Variants in EYA4 observed in about 807,000 individuals in gnomAD.
EYA4 encodes EYA transcriptional coactivator and phosphatase 4.
EYA4 carries 31 observed loss-of-function variants against 87.9 expected under a neutral mutation model. That is an observed-to-expected ratio of 0.35 (90% CI 0.27 to 0.48). EYA4 has a LOEUF of 0.48. EYA4 is among the 20% of genes least tolerant of loss of function. The pLI, the probability that EYA4 is intolerant of heterozygous loss-of-function variation, is 0.99. For missense variants in EYA4, 678 were observed against 761.4 expected (o/e 0.89, Z 1.29); for synonymous variants, 263 against 270.6 (o/e 0.97, Z 0.28).
intron 2 of EYA4, among the ~76,000 whole-genome samples, chr6:133,339,866 G>A (rs1020140357): frequency 2.6e-5 from 4 of 152,304 alleles, no homozygotes; most frequent in South Asian, 2.1e-4. Flanking sequence ...TTGAGGCAGC[G>A]AAGGACTGTG....
At chr6:133,485,663 G>T (rs1796627083) in intron 13 of EYA4, among the ~76,000 whole-genome samples, 2 of 152,210 alleles carry the variant, frequency 1.3e-5, no homozygotes, top group Non-Finnish European at 2.9e-5. Flanking sequence ...TGCATAGGCA[G>T]TTGGGTGAGT....
chr6:133,504,389 GAA>G (rs1249617161), intron 13 of EYA4, among the ~76,000 whole-genome samples: 4 of 152,190 alleles, frequency 2.6e-5, no homozygotes, highest in Non-Finnish European at 5.9e-5. Context: ...TCAGATATGT[GAA>G]GAGTCAGCAT....
chr6:133,406,165 C>T lies in EYA4; in HGVS notation c.83+23724C>T, dbSNP rs563599692. On this transcript the variant is annotated intron_variant, in intron 3 of 19. Coordinates refer to ENST00000355286, the MANE Select transcript of EYA4 (RefSeq NM_004100.5). ...GACCAGGCAGTTATTTACCACCTAC[C>T]ATGGGCCAGGTTCTATCTTAGGTAT... Among the ~76,000 whole-genome samples, 3 of 152,216 alleles carry T rather than the reference C, an allele frequency of 2.0e-5. No individual in the cohort carries two copies. The South Asian group carries it at 6.2e-4, about 32-fold the overall frequency.
At chr6:133,275,053 G>A (rs1364795553) in intron 2 of EYA4, among the ~76,000 whole-genome samples, 1 of 152,094 alleles carries the variant, frequency 6.6e-6, no homozygotes, top group East Asian at 1.9e-4. Context: ...GTGGTGGAAA[G>A]ACTAAGGCAT....
At chr6:133,312,728 T>C (rs1036852130) in intron 2 of EYA4, among the ~76,000 whole-genome samples, 1 of 152,216 alleles carries the variant, frequency 6.6e-6, no homozygotes, top group Admixed American at 6.5e-5. Context: ...ACAAAGTAAA[T>C]GTTTTAACTG....
chr6:133,400,086 A>T (rs1218702709), intron 3 of EYA4, among the ~76,000 whole-genome samples: 1 of 152,240 alleles, frequency 6.6e-6, no homozygotes, highest in African/African-American at 2.4e-5. Context: ...CCATTAATAC[A>T]TATTTATAGC....
chr6:133,265,188 T>C (rs951526026), intron 1 of EYA4, among the ~76,000 whole-genome samples: 17 of 152,076 alleles, frequency 1.1e-4, no homozygotes, highest in African/African-American at 4.1e-4. Context: ...GAAAAAGATA[T>C]GATGAATGGT....
chr6:133,459,590 G>C (rs934157337), intron 6 of EYA4, among the ~76,000 whole-genome samples: 13 of 152,098 alleles, frequency 8.5e-5, no homozygotes, highest in Admixed American at 3.9e-4. Context: ...ATTTCTGTTA[G>C]AGTATTTGGT....
At chr6:133,410,396 G>C (rs551896457) in intron 3 of EYA4, among the ~76,000 whole-genome samples, 1 of 151,798 alleles carries the variant, frequency 6.6e-6, no homozygotes, top group Non-Finnish European at 1.5e-5. Context: ...CAGCATTGTA[G>C]GAAGTTGAAG....
intron 3 of EYA4, among the ~76,000 whole-genome samples, chr6:133,436,801 G>T (rs1035806817): frequency 1.3e-5 from 2 of 151,860 alleles, no homozygotes; most frequent in Admixed American, 1.3e-4. Context: ...GAATGCTTTT[G>T]CATTTCTTGG....
intron 7 of EYA4, among the ~76,000 whole-genome samples, chr6:133,461,733 C>CAT (rs1794400773): frequency 1.3e-5 from 2 of 148,466 alleles, no homozygotes; most frequent in Non-Finnish European, 3.0e-5. Context: ...TCTGCCTTTA[C>CAT]ATATATATAG....
At chr6:133,317,316 G>A (rs1313938172) in intron 2 of EYA4, among the ~76,000 whole-genome samples, 1 of 152,172 alleles carries the variant, frequency 6.6e-6, no homozygotes, top group East Asian at 1.9e-4. Flanking sequence ...TTGTCATAAT[G>A]ACCCATATAA....
chr6:133,293,666 G>T (rs1299888165), intron 2 of EYA4, among the ~76,000 whole-genome samples: 1 of 151,998 alleles, frequency 6.6e-6, no homozygotes, highest in Non-Finnish European at 1.5e-5. Flanking sequence ...GTTAGAGCCT[G>T]GGCGCATGCC....
chr6:133,259,704 C>A (rs1039431083), intron 1 of EYA4, among the ~76,000 whole-genome samples: 1 of 152,166 alleles, frequency 6.6e-6, no homozygotes, highest in Non-Finnish European at 1.5e-5. Flanking sequence ...AGTAACTTGG[C>A]ATTAGATGAA....
At chr6:133,290,731 G>T (rs537290554) in intron 2 of EYA4, among the ~76,000 whole-genome samples, 1 of 152,246 alleles carries the variant, frequency 6.6e-6, no homozygotes, top group East Asian at 1.9e-4. Flanking sequence ...AATCCTTTAC[G>T]TTAGTTTAAC....
rs1000098998 is a variant in EYA4 at position 133,445,577 on chromosome 6, CT to C, written c.84-1039del. Among the ~76,000 whole-genome samples the C allele has an allele frequency of 8.6e-3, 1,216 of 141,552 alleles. 8 individuals are homozygous for C. The highest frequency in any genetic ancestry group is 0.024 in the African/African-American group (928 of 39,088). The allele number at this position is 141,552 out of a possible 152,430, so 92.9% of individuals were successfully genotyped here. On this transcript the variant is annotated intron_variant, in intron 3 of 19. Transcript: ENST00000355286. ...TTTTTCCTAGTTTCCTTTCCTTTTT[CT>C]TTTTTTTTTTTTTCTTTTGAAACAG...
At chr6:133,431,274 G>T (rs947473145) in intron 3 of EYA4, among the ~76,000 whole-genome samples, 1 of 152,188 alleles carries the variant, frequency 6.6e-6, no homozygotes, top group Non-Finnish European at 1.5e-5. Context: ...GCATTAGAGG[G>T]TTTAGAGCAG....
chr6:133,505,630 C>T (rs1031221310), intron 13 of EYA4, among the ~76,000 whole-genome samples: 1 of 152,164 alleles, frequency 6.6e-6, no homozygotes, highest in Non-Finnish European at 1.5e-5. Context: ...CTCCAGATAA[C>T]ATTCTCTACT....
In EYA4 at chr6:133,447,982, A is replaced by G. The variant is rs3736704; in HGVS notation, c.209-129A>G. The stretch of plus-strand genomic sequence containing the variant: ...ACTAAAACAGACCTGATAAACTAAA[A>G]TGTTGAAGTCATACAGTGCAGTTAT... On this transcript the variant is annotated intron_variant, in intron 4 of 19. Coordinates refer to ENST00000355286, the MANE Select transcript of EYA4 (RefSeq NM_004100.5). The G allele has an allele frequency of 0.11, 82,041 of 717,148 alleles. 5,769 individuals carry two copies. The highest frequency in any genetic ancestry group is 0.21 in the South Asian group (14,257 of 66,868). The allele number at this position is 717,148 out of a possible 1,614,324, so 44.4% of individuals were successfully genotyped here. A position where few individuals can be genotyped will look rare whatever the true frequency, so the allele number is the denominator to read the frequency against.
Sources: gnomAD v4.1 joint callset for allele counts (sites outside exome capture counted in the v4.1 genomes callset) on GRCh38, gnomAD v4.1.1 for gene constraint, MANE v1.5 for transcripts, NCBI Gene and HGNC (gene_info 2026-07-23, HGNC 2026-07-21) for gene names.